Variants in KIF21A observed in about 807,000 individuals in gnomAD.
KIF21A encodes the protein kinesin family member 21A.
KIF21A carries 114 observed loss-of-function variants against 202.9 expected under a neutral mutation model. That is an observed-to-expected ratio of 0.56 (90% CI 0.48 to 0.66). The LOEUF is 0.66. Ranked by LOEUF, KIF21A falls within the 30% of genes least tolerant of loss-of-function variation. KIF21A has a pLI of 0.00. For synonymous variants in KIF21A, 667 were observed against 670.8 expected (o/e 0.99, Z 0.09); for missense variants, 1,677 against 1,994.9 (o/e 0.84, Z 3.04).
At chr12:39,397,756 C>A (rs1047463263) in intron 1 of KIF21A, among the ~76,000 whole-genome samples, 4 of 152,162 alleles carry the variant, frequency 2.6e-5, no homozygotes, top group African/African-American at 9.7e-5. Flanking sequence ...ATAACACGAA[C>A]GTTTGGATCC....
intron 16 of KIF21A, among the ~76,000 whole-genome samples, chr12:39,338,774 T>TA (rs1230755717): frequency 6.6e-6 from 1 of 152,148 alleles, no homozygotes; most frequent in Non-Finnish European, 1.5e-5. Context: ...GCATCATGTC[T>TA]AAAAAAATAA....
At chr12:39,389,342 T>C (rs1254487698) in intron 1 of KIF21A, among the ~76,000 whole-genome samples, 2 of 152,230 alleles carry the variant, frequency 1.3e-5, no homozygotes, top group Non-Finnish European at 2.9e-5. Context: ...AAACACTTGC[T>C]TTGTCCATTT....
At chr12:39,429,630 G>C (rs187653018) in intron 1 of KIF21A, among the ~76,000 whole-genome samples, 2 of 152,052 alleles carry the variant, frequency 1.3e-5, no homozygotes, top group African/African-American at 4.8e-5. Flanking sequence ...TTCTCATAAC[G>C]ATCCTATTAT....
At chr12:39,436,022 C>G (rs1332446717) in intron 1 of KIF21A, among the ~76,000 whole-genome samples, 3 of 152,060 alleles carry the variant, frequency 2.0e-5, no homozygotes, top group African/African-American at 7.2e-5. Context: ...TGCGGTTCCT[C>G]TCCCTTTACT....
intron 1 of KIF21A, among the ~76,000 whole-genome samples, chr12:39,438,643 G>A (rs1249829652): frequency 6.6e-6 from 1 of 152,136 alleles, no homozygotes; most frequent in Non-Finnish European, 1.5e-5. Flanking sequence ...TCACTGTCAA[G>A]GATAGGTACA....
At chr12:39,353,450 A>C (rs1426065672) in intron 10 of KIF21A, among the ~76,000 whole-genome samples, 1 of 152,180 alleles carries the variant, frequency 6.6e-6, no homozygotes, top group Non-Finnish European at 1.5e-5. Flanking sequence ...ATGACTTCAA[A>C]AATGTTTTAG....
At chr12:39,344,125 T>C (rs1019250645) in intron 12 of KIF21A, among the ~76,000 whole-genome samples, 2 of 152,160 alleles carry the variant, frequency 1.3e-5, no homozygotes, top group African/African-American at 4.8e-5. Context: ...TGAAGAAAAG[T>C]AGGAACCACC....
chr12:39,436,783 T>G (rs986155891), intron 1 of KIF21A, among the ~76,000 whole-genome samples: 1 of 152,128 alleles, frequency 6.6e-6, no homozygotes, highest in African/African-American at 2.4e-5. Flanking sequence ...ACGGGAAAAC[T>G]ATTTTAACAC....
At chr12:39,421,153 G>A (rs1954219701) in intron 1 of KIF21A, among the ~76,000 whole-genome samples, 1 of 152,056 alleles carries the variant, frequency 6.6e-6, no homozygotes, top group Admixed American at 6.5e-5. Flanking sequence ...GCTTACCATT[G>A]TGTTACAACT....
rs375560723 is a variant in KIF21A at position 39,366,422 on chromosome 12, T to A, written c.831A>T (p.Gly277=). ...CTCCAGTACGCTTCAGTCTTTCAGATCCTGCGAGATCAACAAAATGGAACT... is the reference window on the plus strand; with the variant it reads ...CTCCAGTACGCTTCAGTCTTTCAGAACCTGCGAGATCAACAAAATGGAACT... ...TAKFHFVDLA[G]SERLKRTGAT... Residue 277 remains glycine (G), a synonymous_variant, in exon 6 of 38, where the codon GGA becomes GGT. Coordinates refer to ENST00000361418, the MANE Select transcript of KIF21A (RefSeq NM_001173464.2). 3.7e-6 allele frequency: 6 copies of A among 1,613,840 alleles called. No homozygotes were observed. The African/African-American group carries it at 8.0e-5, about 22-fold the overall frequency.
At chr12:39,378,657 T>C (rs956707201) in intron 1 of KIF21A, among the ~76,000 whole-genome samples, 5 of 152,190 alleles carry the variant, frequency 3.3e-5, no homozygotes, top group African/African-American at 1.2e-4. Flanking sequence ...AAAATTTCAT[T>C]TGGTCAACAG....
chr12:39,428,536 CTTAT>C (rs1954938738), intron 1 of KIF21A, among the ~76,000 whole-genome samples: 1 of 152,114 alleles, frequency 6.6e-6, no homozygotes, highest in Non-Finnish European at 1.5e-5. Flanking sequence ...ATTGATTTTT[CTTAT>C]TTAACCATGG....
intron 32 of KIF21A, among the ~76,000 whole-genome samples, chr12:39,310,244 C>A (rs1330528891): frequency 6.6e-6 from 1 of 151,884 alleles, no homozygotes; most frequent in Non-Finnish European, 1.5e-5. Context: ...CAGAACTATT[C>A]TTTTTCTTTT....
intron 7 of KIF21A, among the ~76,000 whole-genome samples, chr12:39,360,196 A>T (rs2138930745): frequency 6.6e-6 from 1 of 152,222 alleles, no homozygotes; most frequent in Non-Finnish European, 1.5e-5. Flanking sequence ...ACTCAAAGAA[A>T]ATAAAATAAA....
Position 39,331,800 on chromosome 12 carries a change from A to T in KIF21A, c.3052-9T>A, listed in dbSNP as rs1431986786. Reference sequence around the variant, plus strand: ...AATGTCTCACCTTCTTCCTGTATAAAATCAGCATAATATGATGACCATTAC... The same window carrying T: ...AATGTCTCACCTTCTTCCTGTATAATATCAGCATAATATGATGACCATTAC... On this transcript the variant is annotated splice_polypyrimidine_tract_variant and intron_variant, in intron 21 of 37. Coordinates refer to ENST00000361418, the MANE Select transcript of KIF21A (RefSeq NM_001173464.2). 1 of 1,575,632 alleles carries T rather than the reference A, an allele frequency of 6.3e-7. No homozygotes were observed. Among genetic ancestry groups the T allele is most frequent in the East Asian group, 2.2e-5 (1 of 44,606 alleles).
chr12:39,405,713 T>C (rs952621766), intron 1 of KIF21A, among the ~76,000 whole-genome samples: 1 of 151,946 alleles, frequency 6.6e-6, no homozygotes, highest in Non-Finnish European at 1.5e-5. Flanking sequence ...AACAAACCAC[T>C]AAAAAAAGCC....
At chr12:39,332,144 G>A (rs1946560345) in intron 21 of KIF21A, 70 bp downstream of exon 21, 2 of 1,411,410 alleles carry the variant, frequency 1.4e-6, no homozygotes, top group Non-Finnish European at 2.0e-6. Context: ...AAAACTGAAA[G>A]TGCTTTGAAC....
At chr12:39,378,544 A>G (rs1287129641) in intron 1 of KIF21A, among the ~76,000 whole-genome samples, 1 of 152,138 alleles carries the variant, frequency 6.6e-6, no homozygotes, top group African/African-American at 2.4e-5. Flanking sequence ...GAGTACTTCA[A>G]ATGACAACAG....
chr12:39,314,849 T>G (rs2137476142), intron 31 of KIF21A, among the ~76,000 whole-genome samples: 1 of 152,024 alleles, frequency 6.6e-6, no homozygotes, highest in Non-Finnish European at 1.5e-5. Context: ...TTTTTCATTC[T>G]TATGTATTTT....
Sources: gnomAD v4.1 joint callset for allele counts (sites outside exome capture counted in the v4.1 genomes callset) on GRCh38, gnomAD v4.1.1 for gene constraint, MANE v1.5 for transcripts, NCBI Gene and HGNC (gene_info 2026-07-23, HGNC 2026-07-21) for gene names.